The following RUNX1 variants were observed in gnomAD, a reference collection of about 807,000 sequenced individuals.
RUNX1 encodes the protein runt-related transcription factor 1.
A neutral mutation model predicts 42.8 loss-of-function variants in RUNX1; 19 were observed. The observed-to-expected ratio is 0.44, with a 90% CI of 0.31 to 0.65. The LOEUF (loss-of-function observed/expected upper bound fraction) is 0.65. Among genes scored for constraint, RUNX1 ranks in the 30% least tolerant of loss-of-function variants. The pLI, the probability that RUNX1 is intolerant of heterozygous loss-of-function variation, is 0.07. For synonymous variants in RUNX1, 271 were observed against 289.4 expected (o/e 0.94, Z 0.64); for missense variants, 528 against 672.0 (o/e 0.79, Z 2.37).
chr21:35,039,629 T>C (rs1009622091), intron 2 of RUNX1, among the ~76,000 whole-genome samples: 8 of 152,310 alleles, frequency 5.3e-5, no homozygotes, highest in African/African-American at 1.7e-4. Context: ...TATTCACATC[T>C]GTAATACAAT....
At chr21:35,005,486 T>C (rs1196605571) in intron 2 of RUNX1, among the ~76,000 whole-genome samples, 2 of 152,166 alleles carry the variant, frequency 1.3e-5, no homozygotes, top group African/African-American at 4.8e-5. Flanking sequence ...AGAACCTTCA[T>C]ATTACAGCTT....
intron 8 of RUNX1, among the ~76,000 whole-genome samples, chr21:34,795,991 C>T (rs186519565): frequency 2.0e-5 from 3 of 152,138 alleles, no homozygotes; most frequent in East Asian, 1.9e-4. Context: ...GGAAAATGAA[C>T]GAAAGGTCAC....
At chr21:34,968,810 G>A (rs1383956384) in intron 2 of RUNX1, among the ~76,000 whole-genome samples, 1 of 152,146 alleles carries the variant, frequency 6.6e-6, no homozygotes, top group Non-Finnish European at 1.5e-5. Context: ...AAAGAATGAT[G>A]CTAACAGAAA....
chr21:34,857,997 T>C (rs2057519172), intron 6 of RUNX1, among the ~76,000 whole-genome samples: 2 of 152,084 alleles, frequency 1.3e-5, no homozygotes, highest in Admixed American at 1.3e-4. Flanking sequence ...GAGGGCCCTC[T>C]GGGGAAAAAT....
At chr21:34,949,554 G>C (rs2058591215) in intron 2 of RUNX1, among the ~76,000 whole-genome samples, 2 of 152,220 alleles carry the variant, frequency 1.3e-5, no homozygotes, top group Admixed American at 6.5e-5. Context: ...CCTACCAGTG[G>C]AATGAGGCAA....
intron 2 of RUNX1, among the ~76,000 whole-genome samples, chr21:34,904,465 A>G (rs2058202194): frequency 6.6e-6 from 1 of 152,204 alleles, no homozygotes; most frequent in Non-Finnish European, 1.5e-5. Context: ...ATATTTTTGC[A>G]GAGTAGGTTG....
chr21:34,855,330 TAG>T (rs1397017534), intron 6 of RUNX1, among the ~76,000 whole-genome samples: 2 of 152,166 alleles, frequency 1.3e-5, no homozygotes, highest in Non-Finnish European at 2.9e-5. Flanking sequence ...AATATTAGCA[TAG>T]AGACACCTAA....
chr21:35,045,452 G>A (rs1044197108), intron 2 of RUNX1, among the ~76,000 whole-genome samples: 1 of 152,036 alleles, frequency 6.6e-6, no homozygotes, highest in African/African-American at 2.4e-5. Context: ...TTGGACATAG[G>A]GTTTTAAAAT....
At chr21:34,847,627 G>A (rs2057336367) in intron 6 of RUNX1, among the ~76,000 whole-genome samples, 1 of 152,104 alleles carries the variant, frequency 6.6e-6, no homozygotes. Context: ...CCATCTTATA[G>A]ATGACCCAGG....
chr21:34,923,366 T>A (rs932982956), intron 2 of RUNX1, among the ~76,000 whole-genome samples: 2 of 152,188 alleles, frequency 1.3e-5, no homozygotes, highest in Admixed American at 6.5e-5. Flanking sequence ...AGTTCAGAAT[T>A]GGATTTGTGA....
At chr21:34,887,413 A>C in intron 3 of RUNX1, 2 of 1,382,654 alleles carry the variant, frequency 1.4e-6, no homozygotes, top group Non-Finnish European at 1.9e-6. Flanking sequence ...TTGCTTGCAG[A>C]GGTTAAGTTC....
Position 34,791,169 on chromosome 21 carries a change from TTAATGTAA to T in RUNX1, c.*958_*965del, listed in dbSNP as rs1349858274. The T allele has an allele frequency of 1.8e-4, 43 of 233,508 alleles. No individual in the cohort carries two copies. The Admixed American group carries it at 2.4e-3, about 13-fold the overall frequency. The allele number at this position is 233,508 out of a possible 1,614,324, so 14.5% of individuals were successfully genotyped here. On this transcript the variant is annotated 3_prime_UTR_variant, in exon 9 of 9. Transcript: ENST00000675419. ...TTGTTTGATTAACATGAAAGGGAGT[TTAATGTAA>T]ACAATACTTCTGGATAACCAAGCGA... is the stretch of plus-strand genomic sequence containing the variant.
At chr21:35,000,392 C>G (rs1414971059) in intron 2 of RUNX1, among the ~76,000 whole-genome samples, 1 of 151,998 alleles carries the variant, frequency 6.6e-6, no homozygotes, top group African/African-American at 2.4e-5. Context: ...AGGCACCCAC[C>G]ACCACACCTG....
At chr21:34,854,517 G>A (rs771956921) in intron 6 of RUNX1, among the ~76,000 whole-genome samples, 1 of 151,666 alleles carries the variant, frequency 6.6e-6, no homozygotes, top group Non-Finnish European at 1.5e-5. Context: ...CCTGGAAGGC[G>A]GAGGTTGCAG....
chr21:34,794,328 A>C (rs1160096871), intron 8 of RUNX1, among the ~76,000 whole-genome samples: 2 of 152,200 alleles, frequency 1.3e-5, no homozygotes, highest in Non-Finnish European at 2.9e-5. Context: ...GCTCAGTAGC[A>C]ACTGCTGAGC....
intron 5 of RUNX1, among the ~76,000 whole-genome samples, chr21:34,869,176 T>C (rs1037017495): frequency 6.6e-6 from 1 of 152,106 alleles, no homozygotes; most frequent in African/African-American, 2.4e-5. Flanking sequence ...TCTGGCTTGC[T>C]CTCTCCCCTC....
chr21:34,973,305 C>T (rs560006621), intron 2 of RUNX1, among the ~76,000 whole-genome samples: 7 of 152,312 alleles, frequency 4.6e-5, no homozygotes, highest in Middle Eastern at 3.4e-3. Context: ...ACATAGTTAT[C>T]ATGCCAAGGA....
At chr21:34,880,367 A>C (rs1431772408) in intron 5 of RUNX1, among the ~76,000 whole-genome samples, 190 bp downstream of exon 5, 1 of 152,268 alleles carries the variant, frequency 6.6e-6, no homozygotes, top group Non-Finnish European at 1.5e-5. Context: ...AGTAACATAA[A>C]GCAATAATAT....
chr21:34,815,639 C>T (rs2056815201), intron 7 of RUNX1, among the ~76,000 whole-genome samples: 1 of 152,144 alleles, frequency 6.6e-6, no homozygotes, highest in South Asian at 2.1e-4. Context: ...CACACAGGGG[C>T]ACATCTGCAC....
Sources: gnomAD v4.1 joint callset for allele counts (sites outside exome capture counted in the v4.1 genomes callset) on GRCh38, gnomAD v4.1.1 for gene constraint, MANE v1.5 for transcripts, NCBI Gene and HGNC (gene_info 2026-07-23, HGNC 2026-07-21) for gene names.